The following SNX24 variants were observed in gnomAD, a reference collection of about 807,000 sequenced individuals.
The protein encoded by SNX24 is sorting nexin-24.
A neutral mutation model predicts 28.7 loss-of-function variants in SNX24; 22 were observed. The ratio of observed to expected loss-of-function variants is 0.77; its 90% CI spans 0.55 to 1.10. The LOEUF (loss-of-function observed/expected upper bound fraction) is 1.10. SNX24 is among the 50% of genes least tolerant of loss of function. The pLI is 0.00. For missense variants in SNX24, 221 were observed against 201.1 expected (o/e 1.10, Z -0.60); for synonymous variants, 69 against 71.5 (o/e 0.96, Z 0.18).
At chr5:122,871,396 A>G (rs1054364459) in intron 1 of SNX24, among the ~76,000 whole-genome samples, 11 of 152,198 alleles carry the variant, frequency 7.2e-5, no homozygotes, top group Admixed American at 3.3e-4. Context: ...GCTTTGTTTT[A>G]AAGCTTTAAA....
chr5:122,878,742 TG>T (rs985322253), intron 1 of SNX24, among the ~76,000 whole-genome samples: 1 of 151,946 alleles, frequency 6.6e-6, no homozygotes, highest in African/African-American at 2.4e-5. Context: ...GAAACCAAGG[TG>T]GGAGGATTAC....
intron 1 of SNX24, among the ~76,000 whole-genome samples, chr5:122,923,947 T>C (rs1367148390): frequency 1.3e-5 from 2 of 152,260 alleles, no homozygotes; most frequent in Non-Finnish European, 2.9e-5. Flanking sequence ...TACATAGGTT[T>C]TTAATGAGAA....
At chr5:122,927,364 C>A (rs1758747416) in intron 1 of SNX24, among the ~76,000 whole-genome samples, 1 of 148,448 alleles carries the variant, frequency 6.7e-6, no homozygotes, top group Non-Finnish European at 1.5e-5. Flanking sequence ...GTAATTTGTG[C>A]ATATTTGGGA....
Position 122,955,087 on chromosome 5 carries a change from A to C in SNX24, c.249+8928A>C, listed in dbSNP as rs571109149. 2.6e-5 allele frequency among the ~76,000 whole-genome samples: 4 copies of C among 151,788 alleles called. No individual in the cohort carries two copies. The South Asian group carries it at 8.4e-4, about 32-fold the overall frequency. On this transcript the variant is annotated intron_variant, in intron 3 of 6. Coordinates refer to ENST00000261369, the MANE Select transcript of SNX24 (RefSeq NM_014035.4). ...CCTATTTTTTTTTTTCTCCATGGTC[A>C]GGGTGGGTAAATTCTATTGTTCTAT...
Position 123,008,175 on chromosome 5 carries a change from A to G in SNX24, c.*426A>G, listed in dbSNP as rs1060353. The G allele has an allele frequency of 0.34, 336,698 of 986,738 alleles. 60,730 individuals are homozygous for G. The highest frequency in any genetic ancestry group is 0.37 in the Non-Finnish European group (307,581 of 830,948). 61.1% of individuals were successfully genotyped at this position (986,738 alleles called of 1,614,324 possible). A position where few individuals can be genotyped will look rare whatever the true frequency, so the allele number is the denominator to read the frequency against. On this transcript the variant is annotated 3_prime_UTR_variant, in exon 7 of 7. Coordinates refer to ENST00000261369, the MANE Select transcript of SNX24 (RefSeq NM_014035.4). ...GATCTTATGACACACTACTCTTCTCACCGTGAGATTTTCTCAGCCAGTGAT... is the reference window on the plus strand; with the variant it reads ...GATCTTATGACACACTACTCTTCTCGCCGTGAGATTTTCTCAGCCAGTGAT...
At chr5:122,878,813 A>G (rs1344599140) in intron 1 of SNX24, among the ~76,000 whole-genome samples, 1 of 152,076 alleles carries the variant, frequency 6.6e-6, no homozygotes, top group Non-Finnish European at 1.5e-5. Context: ...TCTCTACAAA[A>G]TAAGAATAAA....
chr5:122,952,912 G>T (rs1054690318), intron 3 of SNX24, among the ~76,000 whole-genome samples: 1 of 152,064 alleles, frequency 6.6e-6, no homozygotes, highest in African/African-American at 2.4e-5. Context: ...AGACATAGAG[G>T]ACCAATCCAG....
intron 1 of SNX24, among the ~76,000 whole-genome samples, chr5:122,877,932 A>G (rs1341864931): frequency 6.6e-6 from 1 of 152,108 alleles, no homozygotes; most frequent in African/African-American, 2.4e-5. Flanking sequence ...AAAGATGGCC[A>G]CTACACATGC....
intron 1 of SNX24, among the ~76,000 whole-genome samples, chr5:122,923,904 A>C (rs1275745208): frequency 6.6e-6 from 1 of 152,258 alleles, no homozygotes; most frequent in Non-Finnish European, 1.5e-5. Context: ...AGAGAGACAG[A>C]AAACACTTTT....
chr5:122,916,491 A>G (rs757000305), intron 1 of SNX24, among the ~76,000 whole-genome samples: 70 of 98,968 alleles, frequency 7.1e-4, no homozygotes, highest in Admixed American at 2.4e-4. Flanking sequence ...TTTCGTGTTT[A>G]TAATATTTTG....
chr5:122,914,368 G>T (rs1027964990), intron 1 of SNX24, among the ~76,000 whole-genome samples: 1 of 152,152 alleles, frequency 6.6e-6, no homozygotes, highest in African/African-American at 2.4e-5. Context: ...TTTTCTTGTT[G>T]TGTCTCTGTC....
intron 1 of SNX24, among the ~76,000 whole-genome samples, chr5:122,850,951 T>C (rs1469763724): frequency 2.0e-5 from 3 of 151,940 alleles, no homozygotes; most frequent in Non-Finnish European, 2.9e-5. Context: ...GGAAGATGCT[T>C]TACAAGAAAG....
At chr5:122,987,033 G>A (rs1761633363) in intron 3 of SNX24, among the ~76,000 whole-genome samples, 2 of 152,178 alleles carry the variant, frequency 1.3e-5, no homozygotes, top group African/African-American at 4.8e-5. Context: ...CTCCGCTATA[G>A]CAGGAGGAGG....
At chr5:122,959,185 G>C (rs748233195) in intron 3 of SNX24, among the ~76,000 whole-genome samples, 1 of 151,674 alleles carries the variant, frequency 6.6e-6, no homozygotes, top group Non-Finnish European at 1.5e-5. Context: ...GACCTGTTCA[G>C]ATTTTCTAGT....
chr5:122,853,115 CTTTTTTTTTTTTTTT>C (rs10530519), intron 1 of SNX24, among the ~76,000 whole-genome samples: 28 of 71,614 alleles, frequency 3.9e-4, no homozygotes, highest in African/African-American at 7.6e-4. Context: ...GTTCTTTAGC[CTTTTTTTTTTTTTTT>C]TTTTTTTTTT....
intron 1 of SNX24, among the ~76,000 whole-genome samples, chr5:122,896,139 C>T (rs1208078196): frequency 6.6e-6 from 1 of 152,200 alleles, no homozygotes; most frequent in Non-Finnish European, 1.5e-5. Flanking sequence ...CAGAGCAAGG[C>T]TCCATCTCAA....
chr5:122,988,689 T>G (rs1761705122), intron 3 of SNX24, among the ~76,000 whole-genome samples: 1 of 152,200 alleles, frequency 6.6e-6, no homozygotes, highest in East Asian at 1.9e-4. Flanking sequence ...ATGATTTGTT[T>G]AAAAGACCAA....
At chr5:122,914,946 AC>A (rs1209773839) in intron 1 of SNX24, among the ~76,000 whole-genome samples, 1 of 152,138 alleles carries the variant, frequency 6.6e-6, no homozygotes. Context: ...ATGCCTGACC[AC>A]TTTTCCTTAG....
chr5:122,904,945 A>T (rs1477020327), intron 1 of SNX24, among the ~76,000 whole-genome samples: 2 of 152,152 alleles, frequency 1.3e-5, no homozygotes, highest in Non-Finnish European at 2.9e-5. Context: ...GAGCCACCAC[A>T]CACAGTCAGC....
Sources: allele counts gnomAD v4.1 joint callset (sites outside exome capture counted in the v4.1 genomes callset), GRCh38; gene constraint gnomAD v4.1.1; transcripts MANE v1.5; gene names NCBI Gene and HGNC (gene_info 2026-07-23, HGNC 2026-07-21).